CFAP299: variants seen among roughly 807,000 people sequenced by gnomAD.
CFAP299 encodes cilia- and flagella-associated protein 299.
In CFAP299, 21 loss-of-function variants were observed where a neutral mutation model predicts 27.0. The ratio of observed to expected loss-of-function variants is 0.78; its 90% CI spans 0.55 to 1.12. The LOEUF (loss-of-function observed/expected upper bound fraction) is 1.12. CFAP299 is among the 50% of genes most tolerant of loss of function. CFAP299 has a pLI of 0.00. For missense variants in CFAP299, 310 were observed against 276.6 expected (o/e 1.12, Z -0.86); for synonymous variants, 104 against 98.1 (o/e 1.06, Z -0.36).
At chr4:80,339,795 T>G (rs1022032564) in intron 1 of CFAP299, among the ~76,000 whole-genome samples, 3 of 152,358 alleles carry the variant, frequency 2.0e-5, no homozygotes, top group East Asian at 3.9e-4. Context: ...TCTTAGTAAT[T>G]CTTCTATTTA....
At chr4:80,445,362 A>C (rs1311123976) in intron 2 of CFAP299, among the ~76,000 whole-genome samples, 1 of 152,248 alleles carries the variant, frequency 6.6e-6, no homozygotes, top group Non-Finnish European at 1.5e-5. Flanking sequence ...GAATGAGTTC[A>C]TGTCCTTTGC....
chr4:80,484,741 G>A (rs930687681), intron 2 of CFAP299, among the ~76,000 whole-genome samples: 1 of 152,078 alleles, frequency 6.6e-6, no homozygotes, highest in African/African-American at 2.4e-5. Context: ...TTTCATTATA[G>A]AAAATTTTAA....
intron 2 of CFAP299, among the ~76,000 whole-genome samples, chr4:80,529,391 T>C (rs1429440372): frequency 6.6e-6 from 1 of 152,212 alleles, no homozygotes; most frequent in Non-Finnish European, 1.5e-5. Flanking sequence ...ACTATGTTCT[T>C]ATGTTTTAAA....
At position 80,954,166 on chromosome 4, in the gene CFAP299, A is replaced by G. The variant is rs562161555; in HGVS notation, c.606+9227A>G. On this transcript the variant is annotated intron_variant, in intron 5 of 5. Coordinates refer to ENST00000358105, the MANE Select transcript of CFAP299 (RefSeq NM_152770.3). ...TGATCTTAAAAACCTGATAACTAAT[A>G]ACACAGAAGCAGGCATCAGAAAACA... 2.6e-5 allele frequency among the ~76,000 whole-genome samples: 4 copies of G among 152,368 alleles called. No individual in the cohort carries two copies. The East Asian group carries it at 7.7e-4, about 29-fold the overall frequency.
intron 3 of CFAP299, among the ~76,000 whole-genome samples, chr4:80,610,708 C>T (rs1213751164): frequency 6.6e-6 from 1 of 151,974 alleles, no homozygotes; most frequent in Non-Finnish European, 1.5e-5. Flanking sequence ...ACCATAAAAT[C>T]TACAAAGTTC....
At chr4:80,639,913 C>G (rs1365051769) in intron 3 of CFAP299, 1 of 152,252 alleles carries the variant, frequency 6.6e-6, no homozygotes, top group African/African-American at 2.4e-5. Context: ...CTCAGATGAT[C>G]CAGCCGCCTC....
At chr4:80,588,704 G>T (rs1213268341) in intron 3 of CFAP299, among the ~76,000 whole-genome samples, 1 of 143,782 alleles carries the variant, frequency 7.0e-6, no homozygotes, top group Non-Finnish European at 1.5e-5. Context: ...TGAACTGACA[G>T]AATCAAGACA....
intron 2 of CFAP299, among the ~76,000 whole-genome samples, chr4:80,542,143 G>T (rs1319191959): frequency 7.9e-5 from 12 of 152,112 alleles, no homozygotes; most frequent in Non-Finnish European, 1.3e-4. Flanking sequence ...TGGACTCTGG[G>T]ACTTGCACCA....
chr4:80,677,671 ATATC>A (rs1719555013), intron 3 of CFAP299, among the ~76,000 whole-genome samples: 3 of 152,094 alleles, frequency 2.0e-5, no homozygotes, highest in Non-Finnish European at 4.4e-5. Context: ...TTTTTCATAA[ATATC>A]TAGTGCAAAC....
chr4:80,640,930 A>G (rs1026930475), intron 3 of CFAP299, among the ~76,000 whole-genome samples: 2 of 152,238 alleles, frequency 1.3e-5, no homozygotes, highest in African/African-American at 4.8e-5. Flanking sequence ...TTAAGGTAAT[A>G]TGCAAACAAA....
intron 3 of CFAP299, among the ~76,000 whole-genome samples, chr4:80,719,340 C>T (rs1471419373): frequency 6.6e-6 from 1 of 152,068 alleles, no homozygotes; most frequent in Non-Finnish European, 1.5e-5. Context: ...TCAGTGACAA[C>T]AGTTTTCAAG....
At chr4:80,354,764 CAT>C (rs554567062) in intron 1 of CFAP299, among the ~76,000 whole-genome samples, 110 of 152,164 alleles carry the variant, frequency 7.2e-4, no homozygotes, top group African/African-American at 2.6e-3. Flanking sequence ...TAAGTAATAA[CAT>C]GTGGTATTTG....
chr4:80,417,568 T>G (rs911318767), intron 2 of CFAP299, among the ~76,000 whole-genome samples: 2 of 152,184 alleles, frequency 1.3e-5, no homozygotes, highest in East Asian at 3.9e-4. Context: ...TTGATGATAA[T>G]AAGCCACTTT....
At chr4:80,511,181 A>G (rs1732280843) in intron 2 of CFAP299, among the ~76,000 whole-genome samples, 1 of 152,092 alleles carries the variant, frequency 6.6e-6, no homozygotes, top group South Asian at 2.1e-4. Flanking sequence ...AATCTGTTTA[A>G]TTTCTTTATG....
chr4:80,480,495 A>G (rs895273109), intron 2 of CFAP299, among the ~76,000 whole-genome samples: 2 of 151,998 alleles, frequency 1.3e-5, no homozygotes, highest in Non-Finnish European at 2.9e-5. Flanking sequence ...TTAGTTGACT[A>G]CTTCTGATTG....
chr4:80,782,226 G>T (rs1560748753), intron 3 of CFAP299, among the ~76,000 whole-genome samples: 2 of 151,794 alleles, frequency 1.3e-5, no homozygotes, highest in Non-Finnish European at 2.9e-5. Flanking sequence ...GAACCTAAAA[G>T]ATGTAGCAGT....
chr4:80,488,876 A>T (rs955207917), intron 2 of CFAP299, among the ~76,000 whole-genome samples: 1 of 152,192 alleles, frequency 6.6e-6, no homozygotes, highest in Admixed American at 6.5e-5. Context: ...ATGGCAAAAA[A>T]AACGTTTGTG....
intron 3 of CFAP299, among the ~76,000 whole-genome samples, chr4:80,799,782 TATTATATATTATATTATATAATATATAA>T (rs1560417402): frequency 0.019 from 721 of 38,774 alleles, 52 homozygotes; most frequent in African/African-American, 0.023. Flanking sequence ...ATGATATATA[TATTATATATTATATTATATAATATATAA>T]ATATATATAT....
intron 3 of CFAP299, among the ~76,000 whole-genome samples, chr4:80,752,617 G>T (rs771555380): frequency 6.6e-6 from 1 of 150,746 alleles, no homozygotes; most frequent in Non-Finnish European, 1.5e-5. Context: ...TCTTATAGTG[G>T]GATTATATAA....
Sources: allele counts gnomAD v4.1 joint callset (sites outside exome capture counted in the v4.1 genomes callset), GRCh38; gene constraint gnomAD v4.1.1; transcripts MANE v1.5; gene names NCBI Gene and HGNC (gene_info 2026-07-23, HGNC 2026-07-21).